MICU1: variants seen among roughly 807,000 people sequenced by gnomAD.
The protein encoded by MICU1 is mitochondrial calcium uptake 1.
Under a neutral mutation model 56.8 loss-of-function variants are expected in MICU1, and 45 were observed. That is an observed-to-expected ratio of 0.79 (90% CI 0.62 to 1.02). The LOEUF (loss-of-function observed/expected upper bound fraction) is 1.02, where lower values mean the gene tolerates loss of function less well. Among genes scored for constraint, MICU1 ranks in the 50% least tolerant of loss-of-function variants. The probability of loss-of-function intolerance (pLI) is 0.00; values close to 1 mark genes in which losing one functional copy is unlikely to be tolerated. For missense variants in MICU1, 504 were observed against 587.1 expected, an observed-to-expected ratio of 0.86 and a Z score of 1.46; for synonymous variants, 186 against 195.1, an observed-to-expected ratio of 0.95 and a Z score of 0.39.
At chr10:72,500,304 T>TATA (rs1867023812) in intron 6 of MICU1, among the ~76,000 whole-genome samples, 3 of 7,690 alleles carry the variant, frequency 3.9e-4, no homozygotes, top group Non-Finnish European at 8.2e-4. Context: ...ATATATATAT[T>TATA]TTTTTTTTTT....
chr10:72,486,874 C>T (rs1440679329), intron 6 of MICU1, among the ~76,000 whole-genome samples: 1 of 152,124 alleles, frequency 6.6e-6, no homozygotes, highest in East Asian at 1.9e-4. Flanking sequence ...AAAAAATTTG[C>T]ACCAAAATAA....
chr10:72,552,150 T>C (rs75249087), intron 3 of MICU1, among the ~76,000 whole-genome samples: 5,442 of 152,300 alleles, frequency 0.036, 311 homozygotes, highest in African/African-American at 0.12. Context: ...TTTTTGATTA[T>C]AAAATTAAAC....
intron 1 of MICU1, among the ~76,000 whole-genome samples, chr10:72,623,289 A>C (rs547245762): frequency 4.4e-5 from 5 of 113,516 alleles, no homozygotes; most frequent in Admixed American, 2.2e-4. Context: ...AGACAGAGCG[A>C]GACTCCGTCT....
At chr10:72,495,378 G>A (rs1010587096) in intron 6 of MICU1, among the ~76,000 whole-genome samples, 28 of 152,158 alleles carry the variant, frequency 1.8e-4, no homozygotes, top group African/African-American at 5.1e-4. Flanking sequence ...ACTTTAGGCT[G>A]GGTGCAGTGG....
chr10:72,595,481 A>G (rs1191119204), intron 1 of MICU1, among the ~76,000 whole-genome samples: 2 of 151,274 alleles, frequency 1.3e-5, no homozygotes, highest in African/African-American at 4.8e-5. Flanking sequence ...AAGAAAAAAA[A>G]AAAAGACCAT....
chr10:72,570,216 A>T (rs1484784864), intron 1 of MICU1, among the ~76,000 whole-genome samples: 2 of 152,208 alleles, frequency 1.3e-5, no homozygotes, highest in African/African-American at 4.8e-5. Flanking sequence ...AAGTGCTGGG[A>T]TTACAGGTGT....
At chr10:72,499,703 G>A (rs1170346384) in intron 6 of MICU1, among the ~76,000 whole-genome samples, 1 of 152,110 alleles carries the variant, frequency 6.6e-6, no homozygotes, top group African/African-American at 2.4e-5. Flanking sequence ...GTCCCAGTAA[G>A]AAGGATTTGT....
intron 8 of MICU1, 49 bp downstream of exon 8, chr10:72,475,051 C>A (rs757172738): frequency 2.7e-6 from 4 of 1,508,528 alleles, no homozygotes; most frequent in Non-Finnish European, 3.6e-6. Context: ...GGCCCTCCTG[C>A]CCATCAGTTC....
At chr10:72,383,185 G>T (rs138662288) in intron 10 of MICU1, among the ~76,000 whole-genome samples, 1 of 150,632 alleles carries the variant, frequency 6.6e-6, no homozygotes, top group African/African-American at 2.4e-5. Context: ...GTTCAAGTCT[G>T]CAGTGAGCTA....
At chr10:72,378,221 C>T (rs1475592241) in intron 10 of MICU1, among the ~76,000 whole-genome samples, 1 of 152,148 alleles carries the variant, frequency 6.6e-6, no homozygotes, top group Non-Finnish European at 1.5e-5. Flanking sequence ...CCACTGCACT[C>T]CAGCCTCGGT....
At chr10:72,482,863 T>A (rs1329289485) in intron 6 of MICU1, among the ~76,000 whole-genome samples, 2 of 149,714 alleles carry the variant, frequency 1.3e-5, no homozygotes, top group Non-Finnish European at 3.0e-5. Context: ...TTATTTATTT[T>A]ATTTTATTTT....
chr10:72,502,814 T>G (rs1867124400), intron 6 of MICU1: 1 of 154,638 alleles, frequency 6.5e-6, no homozygotes, highest in Non-Finnish European at 1.5e-5. Flanking sequence ...TTCTCATATT[T>G]CTCCCCATCT....
intron 8 of MICU1, among the ~76,000 whole-genome samples, chr10:72,448,193 A>AT (rs71018289): frequency 0.25 from 9,041 of 36,818 alleles, 2,441 homozygotes; most frequent in East Asian, 0.34. Context: ...ATATATATAT[A>AT]TTTTTTTTTT....
At chr10:72,407,724 C>T (rs185764210) in intron 10 of MICU1, among the ~76,000 whole-genome samples, 1 of 152,256 alleles carries the variant, frequency 6.6e-6, no homozygotes, top group East Asian at 1.9e-4. Flanking sequence ...CCTGCCCAGA[C>T]TACGGCCTTA....
chr10:72,489,881 C>T (rs1409931463), intron 6 of MICU1, among the ~76,000 whole-genome samples: 1 of 152,126 alleles, frequency 6.6e-6, no homozygotes, highest in Non-Finnish European at 1.5e-5. Context: ...GAAATTTAAG[C>T]CACATCTGGG....
chr10:72,563,007 T>A lies in MICU1; in HGVS notation c.218A>T (p.Lys73Ile). ...VDNLKSDIGD[K>I]GKNKDEGDVC... is the part of the protein sequence containing the mutation. ...ATCCCCTTCATCTTTATTCTTCCCT[T>A]TATCACCGATGTCACTTTTTAGGTT... The change falls in exon 3 of 12, where the codon AAA becomes ATA. Residue 73 changes from lysine (K) to isoleucine (I), a missense_variant. Coordinates refer to ENST00000361114, the MANE Select transcript of MICU1 (RefSeq NM_001195518.2). The A allele has an allele frequency of 1.2e-6, 2 of 1,607,956 alleles. No individual in the cohort carries two copies. The highest frequency in any genetic ancestry group is 2.2e-5 in the South Asian group (2 of 89,354).
intron 1 of MICU1, among the ~76,000 whole-genome samples, chr10:72,620,348 C>A (rs769063962): frequency 6.6e-6 from 1 of 151,980 alleles, no homozygotes; most frequent in Non-Finnish European, 1.5e-5. Flanking sequence ...CCATGCCTGG[C>A]TAATTTTTTG....
chr10:72,563,940 C>T (rs1840361173), intron 2 of MICU1, among the ~76,000 whole-genome samples: 1 of 152,056 alleles, frequency 6.6e-6, no homozygotes, highest in Non-Finnish European at 1.5e-5. Flanking sequence ...ATGTTATGCA[C>T]CTTTCACTAC....
chr10:72,528,762 G>A, intron 5 of MICU1: 1 of 230,698 alleles, frequency 4.3e-6, no homozygotes. Context: ...CCTTATTCTA[G>A]GGTCTTATTT....
Sources: allele counts gnomAD v4.1 joint callset (sites outside exome capture counted in the v4.1 genomes callset), GRCh38; gene constraint gnomAD v4.1.1; transcripts MANE v1.5; gene names NCBI Gene and HGNC (gene_info 2026-07-23, HGNC 2026-07-21).